FAM107B: variants seen among roughly 807,000 people sequenced by gnomAD.
The protein encoded by FAM107B is protein FAM107B.
A neutral mutation model predicts 31.5 loss-of-function variants in FAM107B; 21 were observed. That is an observed-to-expected ratio of 0.67 (90% CI 0.47 to 0.96). The LOEUF (loss-of-function observed/expected upper bound fraction) is 0.96. Ranked by LOEUF, FAM107B falls within the 40% of genes least tolerant of loss-of-function variation. The pLI is 0.00. For synonymous variants in FAM107B, 157 were observed against 141.5 expected, an observed-to-expected ratio of 1.11 and a Z score of -0.78; for missense variants, 452 against 377.1, an observed-to-expected ratio of 1.20 and a Z score of -1.64.
At chr10:14,605,406 C>A (rs1170782670) in intron 2 of FAM107B, among the ~76,000 whole-genome samples, 1 of 152,148 alleles carries the variant, frequency 6.6e-6, no homozygotes, top group Admixed American at 6.5e-5. Flanking sequence ...ACAACAGGTT[C>A]GTGGATTTTA....
intron 2 of FAM107B, among the ~76,000 whole-genome samples, chr10:14,541,545 T>G (rs1040384100): frequency 6.6e-6 from 1 of 152,058 alleles, no homozygotes; most frequent in African/African-American, 2.4e-5. Context: ...ACAGCCTGCC[T>G]CCCCGAGTCT....
chr10:14,536,946 A>G (rs901744462), intron 2 of FAM107B, among the ~76,000 whole-genome samples: 2 of 152,208 alleles, frequency 1.3e-5, no homozygotes, highest in African/African-American at 4.8e-5. Flanking sequence ...TCATCCCCCG[A>G]AAATGTATTT....
At chr10:14,572,761 T>TGTATATATATATATATATATATATATA (rs1466825381) in intron 2 of FAM107B, among the ~76,000 whole-genome samples, 4 of 76,052 alleles carry the variant, frequency 5.3e-5, no homozygotes, top group East Asian at 7.8e-4. Flanking sequence ...ATATATATAT[T>TGTATATATATATATATATATATATATA]AGAGTGTGTG....
Position 14,718,547 on chromosome 10 carries a change from G to A in FAM107B, c.412-50856C>T, listed in dbSNP as rs190698064. Among the ~76,000 whole-genome samples, 211 of 151,700 alleles carry A rather than the reference G, an allele frequency of 1.4e-3. 1 individual carries two copies. Among genetic ancestry groups the A allele is most frequent in the African/African-American group, 4.8e-3 (199 of 41,410 alleles). On this transcript the variant is annotated intron_variant, in intron 1 of 4. Coordinates refer to ENST00000181796, the MANE Select transcript of FAM107B (RefSeq NM_031453.4). ...CGAAGGAAGGACAGAGAGAGAGAGA[G>A]GAAGGAAGGAAGGAAGGAATTTGAA...
At chr10:14,732,824 TATTATA>T (rs1418413019) in intron 1 of FAM107B, among the ~76,000 whole-genome samples, 2 of 147,248 alleles carry the variant, frequency 1.4e-5, no homozygotes, top group African/African-American at 4.9e-5. Context: ...TGTATTATAA[TATTATA>T]ATTATAATAC....
intron 2 of FAM107B, among the ~76,000 whole-genome samples, chr10:14,555,236 T>TA (rs1311802271): frequency 1.1e-4 from 17 of 152,236 alleles, no homozygotes; most frequent in African/African-American, 4.1e-4. Context: ...ATTGAATTTA[T>TA]AAATGTTCAG....
chr10:14,572,761 T>TGTATATATATATATATATATATATATATA (rs1466825381), intron 2 of FAM107B, among the ~76,000 whole-genome samples: 3 of 76,038 alleles, frequency 3.9e-5, no homozygotes, highest in Non-Finnish European at 8.2e-5. Flanking sequence ...ATATATATAT[T>TGTATATATATATATATATATATATATATA]AGAGTGTGTG....
At chr10:14,612,646 C>CATG (rs1852752815) in intron 2 of FAM107B, 1 of 152,206 alleles carries the variant, frequency 6.6e-6, no homozygotes, top group Admixed American at 6.5e-5. Flanking sequence ...TGTATCATTT[C>CATG]ATACACAAAT....
intron 2 of FAM107B, among the ~76,000 whole-genome samples, chr10:14,540,416 C>T (rs1480834042): frequency 6.6e-6 from 1 of 152,206 alleles, no homozygotes. Context: ...AGTCCACACC[C>T]GGCAGGGTTT....
intron 2 of FAM107B, among the ~76,000 whole-genome samples, chr10:14,610,773 C>A (rs1377299666): frequency 6.6e-6 from 1 of 152,192 alleles, no homozygotes; most frequent in South Asian, 2.1e-4. Context: ...GTATTGTCCC[C>A]TGCAGTAGTT....
chr10:14,634,223 C>T lies in FAM107B; in HGVS notation c.469+33411G>A, dbSNP rs181528392. Among the ~76,000 whole-genome samples the T allele has an allele frequency of 2.6e-4, 40 of 151,788 alleles. No individual in the cohort carries two copies. The East Asian group carries it at 4.5e-3, about 17-fold the overall frequency. The stretch of plus-strand genomic sequence containing the variant: ...CATCCTGGCTAACACGGTGAAACCC[C>T]GTCTCTACTAAAATTACAAAAAAAA... On this transcript the variant is annotated intron_variant, in intron 2 of 4. Transcript: ENST00000181796.
intron 1 of FAM107B, among the ~76,000 whole-genome samples, chr10:14,698,963 T>C (rs55880934): frequency 0.046 from 6,982 of 152,208 alleles, 259 homozygotes; most frequent in African/African-American, 0.1. Flanking sequence ...GTGGGGGTTC[T>C]CCACATCTCT....
rs1463973012 is a variant in FAM107B at position 14,556,649 on chromosome 10, C to G, written c.470-26134G>C. On this transcript the variant is annotated intron_variant, in intron 2 of 4. Coordinates refer to ENST00000181796, the MANE Select transcript of FAM107B (RefSeq NM_031453.4). The stretch of plus-strand genomic sequence containing the variant: ...CTTCACAAGGCATCCTGCCATGGAA[C>G]AGCAGGCAAAGATTTAGAAGGCCAC... Among the ~76,000 whole-genome samples the G allele has an allele frequency of 3.9e-5, 6 of 152,364 alleles. No homozygotes were observed. The East Asian group carries it at 1.2e-3, about 29-fold the overall frequency.
At chr10:14,645,979 G>A (rs944813348) in intron 2 of FAM107B, among the ~76,000 whole-genome samples, 1 of 152,208 alleles carries the variant, frequency 6.6e-6, no homozygotes, top group Admixed American at 6.5e-5. Context: ...CTGCAGAACA[G>A]ACCCAAACTT....
At chr10:14,558,750 G>C (rs548649030) in intron 2 of FAM107B, among the ~76,000 whole-genome samples, 7 of 152,162 alleles carry the variant, frequency 4.6e-5, no homozygotes, top group East Asian at 1.9e-4. Flanking sequence ...ACCACCTATA[G>C]TTTCTGGCTG....
At chr10:14,751,863 T>G (rs1466812908) in intron 1 of FAM107B, among the ~76,000 whole-genome samples, 1 of 151,858 alleles carries the variant, frequency 6.6e-6, no homozygotes, top group Non-Finnish European at 1.5e-5. Context: ...GGCTTCCACT[T>G]CCGCCTCCAA....
intron 1 of FAM107B, among the ~76,000 whole-genome samples, chr10:14,742,039 T>A (rs1856452309): frequency 6.6e-6 from 1 of 151,988 alleles, no homozygotes; most frequent in South Asian, 2.1e-4. Context: ...TGAATAAATT[T>A]TGCCCATGAA....
intron 1 of FAM107B, among the ~76,000 whole-genome samples, chr10:14,678,090 G>T (rs1854733073): frequency 6.6e-6 from 1 of 152,166 alleles, no homozygotes; most frequent in South Asian, 2.1e-4. Flanking sequence ...GTAAGTGCTG[G>T]AACCTGACGA....
intron 2 of FAM107B, among the ~76,000 whole-genome samples, chr10:14,575,211 G>GT (rs56368844): frequency 0.36 from 53,411 of 149,108 alleles, 9,548 homozygotes; most frequent in South Asian, 0.54. Context: ...TTGTTTTTTT[G>GT]TTTTTTTTTT....
Sources: gnomAD v4.1 joint callset for allele counts (sites outside exome capture counted in the v4.1 genomes callset) on GRCh38, gnomAD v4.1.1 for gene constraint, MANE v1.5 for transcripts, NCBI Gene and HGNC (gene_info 2026-07-23, HGNC 2026-07-21) for gene names.